Variants in GLRA2 observed in about 807,000 individuals in gnomAD.
GLRA2 encodes the protein glycine receptor alpha 2, also known as glycine receptor subunit alpha-2.
Under a neutral mutation model 31.6 loss-of-function variants are expected in GLRA2, and 11 were observed. That is an observed-to-expected ratio of 0.35 (90% confidence interval 0.22 to 0.58). The LOEUF (loss-of-function observed/expected upper bound fraction) is 0.58. Among genes scored for constraint, GLRA2 ranks in the 20% least tolerant of loss-of-function variants. The pLI, the probability that GLRA2 is intolerant of heterozygous loss-of-function variation, is 0.84. For synonymous variants in GLRA2, 132 were observed against 134.0 expected (o/e 0.99, Z 0.10); for missense variants, 212 against 351.8 (o/e 0.60, Z 3.18).
At chrX:14,552,319 C>G (rs1403534669) in intron 2 of GLRA2, among the ~76,000 whole-genome samples, 2 of 112,320 alleles carry the variant, frequency 1.8e-5, no homozygotes, top group Non-Finnish European at 3.8e-5. Context: ...GACGTGAAGA[C>G]TTGGAGTATG....
chrX:14,502,885 A>AGG, the GLRA2 span, among the ~76,000 whole-genome samples: 16 of 77,579 alleles, frequency 2.1e-4, no homozygotes, highest in African/African-American at 6.1e-4. Context: ...CAAAAATGCA[A>AGG]AAAAAAAAAA....
chrX:14,630,855 G>A (rs1018052856), intron 7 of GLRA2, among the ~76,000 whole-genome samples: 2 of 104,981 alleles, frequency 1.9e-5, no homozygotes, highest in Non-Finnish European at 3.9e-5. Context: ...TGTGCACAAC[G>A]TGTGGGCGGT....
intron 2 of GLRA2, among the ~76,000 whole-genome samples, chrX:14,567,379 T>C (rs1378397813): frequency 8.9e-6 from 1 of 111,865 alleles, no homozygotes; most frequent in African/African-American, 3.3e-5. Context: ...AGAAAAGGCA[T>C]TTGGCAAAAT....
chrX:14,577,779 G>C (rs1057058092), intron 3 of GLRA2, among the ~76,000 whole-genome samples: 1 of 111,308 alleles, frequency 9.0e-6, no homozygotes, highest in East Asian at 2.8e-4. Flanking sequence ...ATTTTGAGAG[G>C]ACACAAACAT....
intron 4 of GLRA2, among the ~76,000 whole-genome samples, chrX:14,590,044 A>G (rs2090129996): frequency 9.0e-6 from 1 of 110,908 alleles, no homozygotes; most frequent in East Asian, 2.8e-4. Context: ...AAATAATTAT[A>G]AAATTGCCCC....
chrX:14,468,014 T>C, the GLRA2 span, among the ~76,000 whole-genome samples: 1 of 111,462 alleles, frequency 9.0e-6, no homozygotes, highest in Non-Finnish European at 1.9e-5. Context: ...GGCGTGAGGG[T>C]GCATCAATGT....
intron 4 of GLRA2, among the ~76,000 whole-genome samples, chrX:14,594,019 A>G (rs1288935368): frequency 8.9e-6 from 1 of 112,407 alleles, no homozygotes; most frequent in Non-Finnish European, 1.9e-5. Context: ...AGTGTTATCC[A>G]GTCAAGGATG....
chrX:14,512,016 A>G, the GLRA2 span, among the ~76,000 whole-genome samples: 9 of 111,793 alleles, frequency 8.1e-5, no homozygotes, highest in Admixed American at 1.9e-4. Context: ...CTGTAAGAGG[A>G]TAAGTGGGTT....
chrX:14,661,182 C>A (rs951642423), intron 7 of GLRA2, among the ~76,000 whole-genome samples: 1 of 112,223 alleles, frequency 8.9e-6, no homozygotes, highest in Non-Finnish European at 1.9e-5. Context: ...GAGACAAGAA[C>A]ATTTTCCTCC....
At chrX:14,647,659 G>A (rs750881606) in intron 7 of GLRA2, among the ~76,000 whole-genome samples, 1 of 112,194 alleles carries the variant, frequency 8.9e-6, no homozygotes, top group Non-Finnish European at 1.9e-5. Context: ...AAAGATGGAT[G>A]GATATTTGTG....
At chrX:14,521,570 TGTCCAGCTTGCAGATG>T in the GLRA2 span, among the ~76,000 whole-genome samples, 53 of 111,451 alleles carry the variant, frequency 4.8e-4, 1 homozygote, top group East Asian at 1.1e-3. Context: ...AGCATCAGGG[TGTCCAGCTTGCAGATG>T]GTCCAGCTTG....
At chrX:14,694,797 G>C (rs1052558081) in intron 8 of GLRA2, among the ~76,000 whole-genome samples, 20 of 112,420 alleles carry the variant, frequency 1.8e-4, no homozygotes, top group Non-Finnish European at 3.6e-4. Context: ...CATTCTAGTG[G>C]TTATGCTTTG....
intron 8 of GLRA2, among the ~76,000 whole-genome samples, chrX:14,722,561 T>G (rs1214665215): frequency 2.7e-5 from 3 of 111,205 alleles, no homozygotes; most frequent in African/African-American, 9.8e-5. Context: ...ATGGAAAGAG[T>G]GTCAATGATA....
At chrX:14,680,917 G>A (rs1458286068) in intron 7 of GLRA2, among the ~76,000 whole-genome samples, 2 of 112,055 alleles carry the variant, frequency 1.8e-5, no homozygotes, top group Non-Finnish European at 3.8e-5. Context: ...CAGCTCTACT[G>A]GACTTAGCTC....
intron 7 of GLRA2, among the ~76,000 whole-genome samples, chrX:14,676,284 GAAT>G (rs977111186): frequency 1.8e-5 from 2 of 112,756 alleles, no homozygotes; most frequent in Admixed American, 9.4e-5. Context: ...ATATTGTGGA[GAAT>G]AATTAAACAT....
At chrX:14,688,742 C>A (rs950277094) in intron 7 of GLRA2, among the ~76,000 whole-genome samples, 1 of 110,576 alleles carries the variant, frequency 9.0e-6, no homozygotes, top group Non-Finnish European at 1.9e-5. Context: ...TGACCCCTTG[C>A]GCTTCCCGGG....
At chrX:14,497,124 A>G in the GLRA2 span, among the ~76,000 whole-genome samples, 3 of 112,000 alleles carry the variant, frequency 2.7e-5, no homozygotes, top group African/African-American at 9.7e-5. Flanking sequence ...GTCTTAGAAC[A>G]CAGAAGAGGA....
intron 8 of GLRA2, among the ~76,000 whole-genome samples, chrX:14,695,330 TG>T: frequency 9.0e-6 from 1 of 111,417 alleles, no homozygotes; most frequent in Non-Finnish European, 1.9e-5. Flanking sequence ...TGTGTGCTCA[TG>T]GGGGGATATA....
intron 7 of GLRA2, among the ~76,000 whole-genome samples, chrX:14,687,740 T>C (rs1274973516): frequency 8.9e-6 from 1 of 112,149 alleles, no homozygotes; most frequent in East Asian, 2.8e-4. Flanking sequence ...TTCTTTGTGA[T>C]GGGTTCGAAC....
Sources: gnomAD v4.1 joint callset for allele counts (sites outside exome capture counted in the v4.1 genomes callset) on GRCh38, gnomAD v4.1.1 for gene constraint, MANE v1.5 for transcripts, NCBI Gene and HGNC (gene_info 2026-07-23, HGNC 2026-07-21) for gene names.